Variants in PBRM1 observed in about 807,000 individuals in gnomAD.
PBRM1 encodes protein polybromo-1.
In PBRM1, 27 loss-of-function variants were observed where a neutral mutation model predicts 194.5. The observed-to-expected ratio is 0.14, with a 90% CI of 0.10 to 0.19. The LOEUF (loss-of-function observed/expected upper bound fraction) is 0.19. Among genes scored for constraint, PBRM1 ranks in the 10% least tolerant of loss-of-function variants. PBRM1 has a pLI of 1.00. For missense variants in PBRM1, 1,466 were observed against 2,077.2 expected (o/e 0.71, Z 5.72); for synonymous variants, 655 against 693.2 (o/e 0.94, Z 0.87).
intron 10 of PBRM1, 26 bp downstream of exon 11, chr3:52,641,928 T>A (rs757118345): frequency 7.5e-7 from 1 of 1,335,978 alleles, no homozygotes; most frequent in East Asian, 2.3e-5. Context: ...AAGAAGGCAT[T>A]TCGCTAGTCA....
chr3:52,683,775 G>A (rs1191640787), upstream of PBRM1, among the ~76,000 whole-genome samples: 2 of 75,576 alleles, frequency 2.6e-5, no homozygotes, highest in Non-Finnish European at 5.5e-5. Flanking sequence ...CTGGGATTGC[G>A]CCACTGCACT....
In PBRM1 at chr3:52,589,557, G is replaced by A. The variant is rs547699605; in HGVS notation, c.2780-302C>T. On this transcript the variant is annotated intron_variant, in intron 17 of 29. Transcript: ENST00000296302. ...TCATATGGACATTTTGGATAATATC[G>A]AAAGGCACAAAGAAGTACGTATGTC... 1.1e-4 allele frequency among the ~76,000 whole-genome samples: 17 copies of A among 152,150 alleles called. No homozygotes were observed. The East Asian group carries it at 1.5e-3, about 14-fold the overall frequency.
chr3:52,678,387 C>G, intron 2 of PBRM1, 113 bp downstream of exon 3: 1 of 648,462 alleles, frequency 1.5e-6, no homozygotes, highest in Non-Finnish European at 2.7e-6. Context: ...AAATTGGACC[C>G]CAGTATCATT....
chr3:52,615,495 CTT>C, intron 14 of PBRM1, 39 bp from the exon 17 acceptor site: 1 of 1,249,134 alleles, frequency 8.0e-7, no homozygotes, highest in Middle Eastern at 1.9e-4. Flanking sequence ...TTTCTAAAAA[CTT>C]TTCATTAAGG....
chr3:52,589,227 AC>A lies in PBRM1; in HGVS notation c.2807del (p.Gly936ValfsTer78). The A allele has an allele frequency of 6.4e-7, 1 of 1,553,140 alleles. No homozygotes were observed. The highest frequency in any genetic ancestry group is 2.2e-5 in the Admixed American group (1 of 44,692). Reference sequence around the variant, plus strand: ...GATGTAAGCCTGAGAGGCCTGCAGCACCAGAGGAATCTTCACTCTTTTCAGC... The same window carrying A: ...GATGTAAGCCTGAGAGGCCTGCAGCACAGAGGAATCTTCACTCTTTTCAGC... On this transcript the variant is annotated frameshift_variant, in exon 18 of 30. Transcript: ENST00000296302. LOFTEE classifies it high-confidence loss of function.
intron 21 of PBRM1, 21 bp from the exon 24 acceptor site, chr3:52,576,719 AATTAC>A (rs1386345804): frequency 1.3e-6 from 2 of 1,556,656 alleles, no homozygotes; most frequent in Non-Finnish European, 8.7e-7. Flanking sequence ...AAAATATATA[AATTAC>A]ATTAAAATAG....
chr3:52,599,909 G>A (rs2093868059), intron 17 of PBRM1, among the ~76,000 whole-genome samples: 1 of 151,726 alleles, frequency 6.6e-6, no homozygotes, highest in African/African-American at 2.4e-5. Context: ...AACATTTCAT[G>A]GATGTATTAT....
chr3:52,677,152 T>G (rs190988684), intron 2 of PBRM1, among the ~76,000 whole-genome samples: 129 of 152,296 alleles, frequency 8.5e-4, no homozygotes, highest in African/African-American at 3.0e-3. Flanking sequence ...TGGCATTAAT[T>G]TCATGGATAT....
At chr3:52,615,738 C>G (rs1405593444) in intron 14 of PBRM1, among the ~76,000 whole-genome samples, 1 of 152,132 alleles carries the variant, frequency 6.6e-6, no homozygotes, top group African/African-American at 2.4e-5. Context: ...AACAAAAGTC[C>G]TGAAACACAT....
chr3:52,669,675 C>A (rs73078833), intron 2 of PBRM1, among the ~76,000 whole-genome samples: 1 of 152,028 alleles, frequency 6.6e-6, no homozygotes, highest in Admixed American at 6.6e-5. Context: ...TCTTTTATTA[C>A]GTATAATATA....
At chr3:52,666,202 G>A (rs979102504) in intron 3 of PBRM1, among the ~76,000 whole-genome samples, 3 of 152,174 alleles carry the variant, frequency 2.0e-5, no homozygotes, top group African/African-American at 7.2e-5. Flanking sequence ...GACTGCTTAA[G>A]TCCAGGAGTT....
chr3:52,547,136 G>A (rs1288224560), downstream of PBRM1: 8 of 232,702 alleles, frequency 3.4e-5, no homozygotes, highest in Admixed American at 5.6e-5. Flanking sequence ...TCTTCAAGAC[G>A]AACTTCAATG....
chr3:52,630,141 G>A (rs964932694), intron 11 of PBRM1, among the ~76,000 whole-genome samples: 6 of 151,746 alleles, frequency 4.0e-5, no homozygotes, highest in African/African-American at 1.5e-4. Context: ...ACCCAAACTT[G>A]CAAATGACAA....
Position 52,555,001 on chromosome 3 carries a change from C to T in PBRM1, c.4454-122G>A, listed in dbSNP as rs1360698235. On this transcript the variant is annotated intron_variant, in intron 26 of 29. Transcript: ENST00000296302. ...GCACCCTTAGTACTGCATGATATAA[C>T]AGCAATTAGTGCAATTATTTTGCTG... is the stretch of plus-strand genomic sequence containing the variant. 3 of 684,692 alleles carry T rather than the reference C, an allele frequency of 4.4e-6. No individual in the cohort carries two copies. The African/African-American group carries it at 5.7e-5, about 13-fold the overall frequency. 42.4% of individuals were successfully genotyped at this position (684,692 alleles called of 1,614,324 possible). A position where few individuals can be genotyped will look rare whatever the true frequency, so the allele number is the denominator to read the frequency against.
chr3:52,585,375 T>C (rs974897377), intron 20 of PBRM1: 1 of 152,190 alleles, frequency 6.6e-6, no homozygotes, highest in African/African-American at 2.4e-5. Context: ...TATGATACTT[T>C]AAAAAATTTC....
At chr3:52,672,874 T>C (rs1369362115) in intron 2 of PBRM1, among the ~76,000 whole-genome samples, 1 of 152,146 alleles carries the variant, frequency 6.6e-6, no homozygotes, top group Non-Finnish European at 1.5e-5. Flanking sequence ...GGAACATACC[T>C]TCCATAGGAA....
chr3:52,621,814 G>C (rs962503682), intron 13 of PBRM1, among the ~76,000 whole-genome samples: 8 of 152,210 alleles, frequency 5.3e-5, no homozygotes, highest in African/African-American at 1.9e-4. Context: ...CACTTTGGGA[G>C]GCTGAAGTGG....
intron 26 of PBRM1, among the ~76,000 whole-genome samples, chr3:52,555,605 C>T (rs1047626653): frequency 6.6e-6 from 1 of 152,186 alleles, no homozygotes; most frequent in African/African-American, 2.4e-5. Flanking sequence ...ACAGACTTTA[C>T]GGAGGAATGG....
chr3:52,653,140 C>T (rs1037076320), intron 5 of PBRM1, among the ~76,000 whole-genome samples: 5 of 152,058 alleles, frequency 3.3e-5, no homozygotes, highest in African/African-American at 4.8e-5. Flanking sequence ...ATCTAAATAA[C>T]GTTATTATAT....
Sources: gnomAD v4.1 joint callset for allele counts (sites outside exome capture counted in the v4.1 genomes callset) on GRCh38, gnomAD v4.1.1 for gene constraint, MANE v1.5 for transcripts, NCBI Gene and HGNC (gene_info 2026-07-23, HGNC 2026-07-21) for gene names.